The following IL7 variants were observed in gnomAD, a reference collection of about 807,000 sequenced individuals.
IL7 encodes interleukin 7, also known as interleukin-7.
A neutral mutation model predicts 21.6 loss-of-function variants in IL7; 3 were observed. That is an observed-to-expected ratio of 0.14 (90% confidence interval 0.06 to 0.36). The LOEUF is 0.36. IL7 is among the 10% of genes least tolerant of loss of function. The pLI is 1.00. For synonymous variants in IL7, 62 were observed against 68.1 expected (o/e 0.91, Z 0.44); for missense variants, 175 against 200.2 (o/e 0.87, Z 0.76).
intron 2 of IL7, among the ~76,000 whole-genome samples, chr8:78,751,518 GA>G (rs1237818737): frequency 3.9e-5 from 6 of 152,130 alleles, no homozygotes; most frequent in African/African-American, 1.4e-4. Flanking sequence ...CAGGAAGAAG[GA>G]AAATTACATA....
chr8:78,781,597 G>T (rs554782832), intron 2 of IL7, among the ~76,000 whole-genome samples: 1 of 152,102 alleles, frequency 6.6e-6, no homozygotes, highest in Non-Finnish European at 1.5e-5. Context: ...CTGTTATTCC[G>T]ATGGGCTTTC....
At chr8:78,783,803 T>G (rs2130813880) in intron 2 of IL7, among the ~76,000 whole-genome samples, 1 of 152,220 alleles carries the variant, frequency 6.6e-6, no homozygotes, top group South Asian at 2.1e-4. Flanking sequence ...AGTGGGGTGG[T>G]AACAGGCAGA....
intron 4 of IL7, among the ~76,000 whole-genome samples, chr8:78,684,447 C>T (rs1329702616): frequency 1.3e-5 from 2 of 152,104 alleles, no homozygotes; most frequent in East Asian, 3.9e-4. Context: ...GAAACCTGCC[C>T]CCGTGATTCA....
chr8:78,678,571 T>C (rs746574726), intron 4 of IL7: 29 of 1,608,850 alleles, frequency 1.8e-5, no homozygotes, highest in Admixed American at 8.5e-5. Flanking sequence ...AGAAAAAACA[T>C]GGACCCATTT....
rs1293045334 is a variant in IL7, at chr8:78,768,075, C to T, written c.148-27993G>A. ...TGAGAATGATGATTTCCAATTTCAT[C>T]CACGTCCCTACAAAGGACATGAACT... On this transcript the variant is annotated intron_variant, in intron 2 of 5. Transcript: ENST00000263851. Among the ~76,000 whole-genome samples, 4 of 152,146 alleles carry T rather than the reference C, an allele frequency of 2.6e-5. No individual in the cohort carries two copies. The East Asian group carries it at 7.7e-4, about 29-fold the overall frequency.
chr8:78,789,278 T>C (rs1813609945), intron 2 of IL7, among the ~76,000 whole-genome samples: 1 of 152,164 alleles, frequency 6.6e-6, no homozygotes. Context: ...TCTTGTTAAA[T>C]TGCAACTGAT....
At chr8:78,680,128 G>T (rs1809721026) in intron 4 of IL7, among the ~76,000 whole-genome samples, 1 of 151,946 alleles carries the variant, frequency 6.6e-6, no homozygotes, top group South Asian at 2.1e-4. Flanking sequence ...TGTGGTTATT[G>T]TAGGGATTAC....
chr8:78,747,917 G>A (rs749154083), intron 2 of IL7, among the ~76,000 whole-genome samples: 23 of 152,244 alleles, frequency 1.5e-4, no homozygotes, highest in Non-Finnish European at 2.6e-4. Context: ...AATACTTCCC[G>A]GAGAAGGATA....
intron 3 of IL7, among the ~76,000 whole-genome samples, chr8:78,702,280 G>T (rs78531484): frequency 0.037 from 5,622 of 152,152 alleles, 316 homozygotes; most frequent in African/African-American, 0.13. Context: ...AATATTCTGT[G>T]ATGACTTGTA....
At chr8:78,801,601 C>A (rs1814063334) in intron 1 of IL7, among the ~76,000 whole-genome samples, 1 of 152,162 alleles carries the variant, frequency 6.6e-6, no homozygotes. Context: ...AGACTTTTGA[C>A]TTGCCAAGAC....
At chr8:78,737,396 G>A (rs531844895) in intron 4 of IL7, among the ~76,000 whole-genome samples, 1 of 152,224 alleles carries the variant, frequency 6.6e-6, no homozygotes, top group African/African-American at 2.4e-5. Context: ...GTAGACTAGA[G>A]TAGGAAGTCT....
intron 2 of IL7, among the ~76,000 whole-genome samples, chr8:78,769,395 C>G (rs973195032): frequency 2.0e-5 from 3 of 152,036 alleles, no homozygotes; most frequent in Non-Finnish European, 4.4e-5. Flanking sequence ...CAATAACAGA[C>G]AAACAGAGAG....
chr8:78,723,480 G>T (rs1811284934), intron 3 of IL7, among the ~76,000 whole-genome samples: 1 of 151,830 alleles, frequency 6.6e-6, no homozygotes, highest in African/African-American at 2.4e-5. Flanking sequence ...AATAAATAAC[G>T]ATCTACCTAG....
At chr8:78,675,601 T>C, downstream of IL7, 2 of 518,850 alleles carry the variant, frequency 3.9e-6, no homozygotes, top group Non-Finnish European at 3.4e-6. Flanking sequence ...TATCCTGACC[T>C]TTTTCACCAC....
intron 3 of IL7, among the ~76,000 whole-genome samples, chr8:78,708,058 A>G (rs1424835434): frequency 6.6e-6 from 1 of 152,194 alleles, no homozygotes; most frequent in African/African-American, 2.4e-5. Flanking sequence ...GGCATGTCAC[A>G]GAATTATCAT....
intron 3 of IL7, among the ~76,000 whole-genome samples, chr8:78,727,588 A>T (rs781428338): frequency 2.0e-5 from 3 of 152,046 alleles, no homozygotes; most frequent in Non-Finnish European, 4.4e-5. Flanking sequence ...CTTTATGACT[A>T]TTAATTTAGT....
At chr8:78,717,375 G>A (rs1811140565), downstream of IL7, 12 of 1,613,548 alleles carry the variant, frequency 7.4e-6, no homozygotes, top group Non-Finnish European at 1.0e-5. Flanking sequence ...AATATTAAAG[G>A]CATTGAAGGA....
At chr8:78,783,975 G>A (rs554246539) in intron 2 of IL7, among the ~76,000 whole-genome samples, 1 of 152,306 alleles carries the variant, frequency 6.6e-6, no homozygotes, top group South Asian at 2.1e-4. Flanking sequence ...GTAAATATAT[G>A]AGTAGCACAT....
chr8:78,714,747 A>T (rs188716332), downstream of IL7, among the ~76,000 whole-genome samples: 306 of 152,308 alleles, frequency 2.0e-3, no homozygotes, highest in Non-Finnish European at 3.4e-3. Context: ...CATTTATTTT[A>T]GTTGCTGCTT....
Sources: allele counts gnomAD v4.1 joint callset (sites outside exome capture counted in the v4.1 genomes callset), GRCh38; gene constraint gnomAD v4.1.1; transcripts MANE v1.5; gene names NCBI Gene and HGNC (gene_info 2026-07-23, HGNC 2026-07-21).